The following SPATA6L variants were observed in gnomAD, a reference collection of about 807,000 sequenced individuals.
SPATA6L encodes the protein spermatogenesis associated 6-like protein.
SPATA6L carries 68 observed loss-of-function variants against 49.2 expected under a neutral mutation model. The observed-to-expected ratio is 1.38, with a 90% confidence interval of 1.14 to 1.69. The LOEUF is 1.69. Ranked by LOEUF, SPATA6L falls within the 40% of genes most tolerant of loss-of-function variation. The pLI, the probability that SPATA6L is intolerant of heterozygous loss-of-function variation, is 0.00. For missense variants in SPATA6L, 668 were observed against 464.3 expected (o/e 1.44, Z -4.03); for synonymous variants, 198 against 165.7 (o/e 1.19, Z -1.50).
chr9:4,607,669 G>A lies in SPATA6L; in HGVS notation c.996-2229C>T, dbSNP rs1029170566. ...GCGCTAAACATGGAAAGGAACAACC[G>A]GTACCAGCCGCTGCAAAATCATGCC... On this transcript the variant is annotated intron_variant, in intron 9 of 11. Transcript: ENST00000682582. Among the ~76,000 whole-genome samples the A allele has an allele frequency of 5.4e-3, 822 of 152,120 alleles. 11 individuals are homozygous for A. Among genetic ancestry groups the A allele is most frequent in the African/African-American group, 0.019 (774 of 41,504 alleles).
downstream of SPATA6L, among the ~76,000 whole-genome samples, chr9:4,596,852 C>T (rs1354972433): frequency 6.6e-6 from 1 of 152,152 alleles, no homozygotes; most frequent in African/African-American, 2.4e-5. Flanking sequence ...CAAGACAGAG[C>T]AGGGTTTGCA....
intron 2 of SPATA6L, among the ~76,000 whole-genome samples, chr9:4,659,306 C>T (rs1434202963): frequency 1.3e-5 from 2 of 152,180 alleles, no homozygotes. Flanking sequence ...CTTTCCAGAC[C>T]TTTAAAAGTG....
rs1266012065 is a variant in SPATA6L, at chr9:4,639,014, C to T, written c.227-3615G>A. ...CACTTACCAACTATGTGATCTGGGGCAAATCATGTAAACTACTTAACTTCA... is the reference window on the plus strand; with the variant it reads ...CACTTACCAACTATGTGATCTGGGGTAAATCATGTAAACTACTTAACTTCA... On this transcript the variant is annotated intron_variant, in intron 3 of 11. Coordinates refer to ENST00000682582, the MANE Select transcript of SPATA6L (RefSeq NM_001353486.2). Among the ~76,000 whole-genome samples the T allele has an allele frequency of 2.0e-5, 3 of 152,074 alleles. No homozygotes were observed. The East Asian group carries it at 5.8e-4, about 29-fold the overall frequency.
chr9:4,589,792 AG>A (rs893620116), intron 13 of SPATA6L, among the ~76,000 whole-genome samples: 4 of 152,314 alleles, frequency 2.6e-5, no homozygotes, highest in African/African-American at 9.6e-5. Context: ...TGATGGAAGC[AG>A]GGCCCCCCGT....
chr9:4,647,835 G>GTT (rs35475971), intron 3 of SPATA6L, among the ~76,000 whole-genome samples: 11 of 78,034 alleles, frequency 1.4e-4, no homozygotes, highest in African/African-American at 5.8e-4. Flanking sequence ...AAACATTTTA[G>GTT]TTTTTTTTTT....
chr9:4,597,749 C>A (rs770152922), downstream of SPATA6L, among the ~76,000 whole-genome samples: 1 of 152,166 alleles, frequency 6.6e-6, no homozygotes, highest in African/African-American at 2.4e-5. Flanking sequence ...TCCCTAAGAC[C>A]TGCAGGTCCG....
Position 4,599,894 on chromosome 9 carries a change from A to G in SPATA6L, c.*917T>C, listed in dbSNP as rs1822802928. 6.6e-6 allele frequency among the ~76,000 whole-genome samples: 1 copy of G among 152,180 alleles called. No homozygotes were observed. The highest frequency in any genetic ancestry group is 2.4e-5 in the African/African-American group (1 of 41,422). On this transcript the variant is annotated 3_prime_UTR_variant, in exon 12 of 12. Coordinates refer to ENST00000682582, the MANE Select transcript of SPATA6L (RefSeq NM_001353486.2). ...TATGCTTACACTATGAAGGAGGGAA[A>G]TAAGTTTCCATTTTCAGGCCCCTCT...
chr9:4,640,774 T>C (rs985028590), intron 3 of SPATA6L, among the ~76,000 whole-genome samples: 4 of 152,162 alleles, frequency 2.6e-5, no homozygotes, highest in South Asian at 2.1e-4. Flanking sequence ...AATTGTTATT[T>C]TGAGCAATTC....
At chr9:4,665,477 C>G (rs965699582) in intron 1 of SPATA6L, among the ~76,000 whole-genome samples, 2 of 152,234 alleles carry the variant, frequency 1.3e-5, no homozygotes, top group East Asian at 1.9e-4. Flanking sequence ...TGAAACCACA[C>G]CATTTGCCAA....
At chr9:4,664,685 G>A (rs41279557) in intron 1 of SPATA6L, 2,645 of 167,154 alleles carry the variant, frequency 0.016, 75 homozygotes, top group East Asian at 0.088. Flanking sequence ...GACTATTTTG[G>A]CATTTATAAA....
chr9:4,639,948 G>A (rs1833675162), intron 3 of SPATA6L, among the ~76,000 whole-genome samples: 1 of 152,174 alleles, frequency 6.6e-6, no homozygotes, highest in Non-Finnish European at 1.5e-5. Context: ...ATACCACATG[G>A]CAAAGAAGGA....
chr9:4,657,794 A>T (rs379900), intron 2 of SPATA6L, among the ~76,000 whole-genome samples: 7 of 152,014 alleles, frequency 4.6e-5, no homozygotes, highest in African/African-American at 1.7e-4. Flanking sequence ...CTAGCTAAAG[A>T]TTAGTTGGCA....
At chr9:4,595,556 A>T (rs368621007), downstream of SPATA6L, among the ~76,000 whole-genome samples, 8 of 152,250 alleles carry the variant, frequency 5.3e-5, no homozygotes, top group South Asian at 1.0e-3. Flanking sequence ...TTCAGAAGAT[A>T]CCCCAAAGGA....
chr9:4,606,332 A>C (rs1467129098), intron 9 of SPATA6L, among the ~76,000 whole-genome samples: 1 of 140,772 alleles, frequency 7.1e-6, no homozygotes, highest in Non-Finnish European at 1.5e-5. Context: ...TGTAGGCGCC[A>C]CGTCTGGGGG....
In SPATA6L at chr9:4,618,245, T is replaced by C. The variant is rs1195666963; in HGVS notation, c.808-135A>G. The stretch of plus-strand genomic sequence containing the variant: ...ATTTGCCCCAGGGATCTCCTGCAAA[T>C]AGAAGAGGATCTGGAGAAGAGAAGA... On this transcript the variant is annotated intron_variant, in intron 8 of 11. Transcript: ENST00000682582. The C allele has an allele frequency of 1.9e-5, 12 of 645,722 alleles. No individual in the cohort carries two copies. The African/African-American group carries it at 2.0e-4, about 11-fold the overall frequency. 40.0% of individuals were successfully genotyped at this position (645,722 alleles called of 1,614,324 possible). A position where few individuals can be genotyped will look rare whatever the true frequency, so the allele number is the denominator to read the frequency against.
At chr9:4,649,275 C>A (rs1836260496) in intron 3 of SPATA6L, among the ~76,000 whole-genome samples, 1 of 152,098 alleles carries the variant, frequency 6.6e-6, no homozygotes, top group African/African-American at 2.4e-5. Context: ...AATGATAGTT[C>A]TACTTTTAGT....
intron 1 of SPATA6L, chr9:4,664,645 A>G (rs1278972812): frequency 6.0e-6 from 1 of 167,072 alleles, no homozygotes; most frequent in Admixed American, 6.5e-5. Flanking sequence ...TAAATTACCT[A>G]TGGAAGTGAT....
intron 9 of SPATA6L, among the ~76,000 whole-genome samples, chr9:4,615,521 C>T (rs1281296851): frequency 6.6e-6 from 1 of 152,212 alleles, no homozygotes; most frequent in Non-Finnish European, 1.5e-5. Context: ...TAAAGACACT[C>T]AGGAAAGGCT....
chr9:4,642,841 TCACTC>T (rs144281473), intron 3 of SPATA6L, among the ~76,000 whole-genome samples: 13,224 of 151,934 alleles, frequency 0.087, 1,044 homozygotes, highest in African/African-American at 0.2. Flanking sequence ...TATCCAGACA[TCACTC>T]CATAAGTAAT....
Sources: allele counts gnomAD v4.1 joint callset (sites outside exome capture counted in the v4.1 genomes callset), GRCh38; gene constraint gnomAD v4.1.1; transcripts MANE v1.5; gene names NCBI Gene and HGNC (gene_info 2026-07-23, HGNC 2026-07-21).